Variants in SIAH3 observed in about 807,000 individuals in gnomAD.
SIAH3 encodes the protein siah E3 ubiquitin protein ligase family member 3.
Under a neutral mutation model 12.6 loss-of-function variants are expected in SIAH3, and 9 were observed. The ratio of observed to expected loss-of-function variants is 0.72; its 90% CI spans 0.43 to 1.25. The LOEUF (loss-of-function observed/expected upper bound fraction) is 1.25. Among genes scored for constraint, SIAH3 ranks in the 50% most tolerant of loss-of-function variants. The pLI is 0.00. For missense variants in SIAH3, 390 were observed against 365.4 expected (o/e 1.07, Z -0.55); for synonymous variants, 154 against 151.1 (o/e 1.02, Z -0.14).
chr13:45,799,133 G>A (rs1321048451), intron 1 of SIAH3, among the ~76,000 whole-genome samples: 1 of 152,220 alleles, frequency 6.6e-6, no homozygotes, highest in East Asian at 1.9e-4. Context: ...CAGGCCTACA[G>A]GATGAAACTT....
At chr13:45,796,197 C>G (rs1950561977) in intron 1 of SIAH3, among the ~76,000 whole-genome samples, 1 of 151,888 alleles carries the variant, frequency 6.6e-6, no homozygotes, top group East Asian at 1.9e-4. Flanking sequence ...TCATTGAGGA[C>G]TAGACTTGAG....
intron 1 of SIAH3, among the ~76,000 whole-genome samples, chr13:45,785,558 C>G (rs563293057): frequency 1.3e-5 from 2 of 152,342 alleles, no homozygotes; most frequent in South Asian, 4.1e-4. Flanking sequence ...CAGTCATGCA[C>G]GCAATACACA....
intron 1 of SIAH3, among the ~76,000 whole-genome samples, chr13:45,792,905 G>A (rs1262955196): frequency 2.0e-5 from 3 of 152,164 alleles, no homozygotes; most frequent in Admixed American, 1.3e-4. Flanking sequence ...AATCAATCTT[G>A]TAGATGAAAG....
chr13:45,784,398 GTTTT>G (rs35686357), intron 1 of SIAH3, among the ~76,000 whole-genome samples: 70 of 65,828 alleles, frequency 1.1e-3, no homozygotes, highest in African/African-American at 3.9e-3. Context: ...AAAGACAGCT[GTTTT>G]TTTTTTTTTT....
At chr13:45,820,943 T>C (rs1454559717) in intron 1 of SIAH3, among the ~76,000 whole-genome samples, 1 of 152,192 alleles carries the variant, frequency 6.6e-6, no homozygotes, top group African/African-American at 2.4e-5. Context: ...CCAGACTGTC[T>C]CCTACCAAGG....
At chr13:45,784,398 G>GT (rs35686357) in intron 1 of SIAH3, among the ~76,000 whole-genome samples, 11,992 of 65,016 alleles carry the variant, frequency 0.18, 773 homozygotes, top group African/African-American at 0.23. Flanking sequence ...AAAGACAGCT[G>GT]TTTTTTTTTT....
chr13:45,782,433 G>A lies in SIAH3; in HGVS notation c.*950C>T, dbSNP rs1426267826. The A allele has an allele frequency of 6.6e-6, 1 of 152,118 alleles. No individual in the cohort carries two copies. The highest frequency in any genetic ancestry group is 6.5e-5 in the Admixed American group (1 of 15,284). The allele number at this position is 152,118 out of a possible 1,614,324, so 9.4% of individuals were successfully genotyped here. ...TGAGTCCTGGTTCTGCTTTTTGCAT[G>A]ATATGAAAGAACTGCACCCTAGGGA... On this transcript the variant is annotated 3_prime_UTR_variant, in exon 2 of 2. Transcript: ENST00000400405.
Position 45,783,426 on chromosome 13 carries a change from G to T in SIAH3, c.767C>A (p.Ala256Asp). 1.9e-6 allele frequency: 3 copies of T among 1,613,908 alleles called. No individual in the cohort carries two copies. The highest frequency in any genetic ancestry group is 2.5e-6 in the Non-Finnish European group (3 of 1,179,844). Residue 256 changes from alanine (A) to aspartate (D), a missense_variant, in exon 2 of 2, where the codon GCC (alanine) becomes GAC (aspartate). Transcript: ENST00000400405. Reference protein sequence around the residue: ...SDNGSLAIGIAITATEVLPSE... With the variant: ...SDNGSLAIGIDITATEVLPSE... ...GGGGAGGACCTCTGTCGCGGTGATG[G>T]CAATCCCAATGGCAAGGCTGCCGTT...
At chr13:45,819,549 T>C (rs1950647650) in intron 1 of SIAH3, among the ~76,000 whole-genome samples, 1 of 151,882 alleles carries the variant, frequency 6.6e-6, no homozygotes, top group African/African-American at 2.4e-5. Flanking sequence ...CTTTGGAAAA[T>C]TAGAAAAAGG....
chr13:45,784,408 T>G (rs559645273), intron 1 of SIAH3, among the ~76,000 whole-genome samples: 147 of 150,808 alleles, frequency 9.7e-4, no homozygotes, highest in Non-Finnish European at 1.7e-3. Context: ...GTTTTTTTTT[T>G]TTTTTTTTTT....
In SIAH3 at chr13:45,846,873, C is replaced by T. The variant is rs17067286; in HGVS notation, c.135+4622G>A. Among the ~76,000 whole-genome samples, 1,771 of 152,314 alleles carry T rather than the reference C, an allele frequency of 0.012. 106 individuals carry two copies. The East Asian group carries it at 0.14, about 12-fold the overall frequency. On this transcript the variant is annotated intron_variant, in intron 1 of 1. Coordinates refer to ENST00000400405, the MANE Select transcript of SIAH3 (RefSeq NM_198849.3). ...TACTGCTCCAGGCTCTGGGCCTCCC[C>T]GTTATGTGACTCAGGAGCCTCATTT...
chr13:45,826,127 C>T (rs1211002414), intron 1 of SIAH3, among the ~76,000 whole-genome samples: 1 of 152,206 alleles, frequency 6.6e-6, no homozygotes, highest in Non-Finnish European at 1.5e-5. Flanking sequence ...CTGGATGACT[C>T]AGTCCATAGA....
intron 1 of SIAH3, among the ~76,000 whole-genome samples, chr13:45,801,419 G>A (rs1316264455): frequency 2.0e-5 from 3 of 152,188 alleles, no homozygotes; most frequent in Non-Finnish European, 4.4e-5. Context: ...AAGGAGAAAT[G>A]AGGCTAAGTA....
chr13:45,822,089 A>G (rs11620324), intron 1 of SIAH3, among the ~76,000 whole-genome samples: 35,557 of 151,960 alleles, frequency 0.23, 4,840 homozygotes, highest in East Asian at 0.61. Flanking sequence ...AGAGTGTCTC[A>G]GAGAAATCTG....
At chr13:45,813,985 T>C (rs1950625088) in intron 1 of SIAH3, among the ~76,000 whole-genome samples, 2 of 152,086 alleles carry the variant, frequency 1.3e-5, no homozygotes, top group African/African-American at 2.4e-5. Context: ...ACGCCTGTAA[T>C]CCCAGTACTT....
intron 1 of SIAH3, among the ~76,000 whole-genome samples, chr13:45,804,091 C>T (rs1950591158): frequency 6.6e-6 from 1 of 151,962 alleles, no homozygotes; most frequent in South Asian, 2.1e-4. Flanking sequence ...TATATTTTTT[C>T]TTCCCCAATT....
At chr13:45,824,928 T>C (rs1950668801) in intron 1 of SIAH3, among the ~76,000 whole-genome samples, 1 of 148,824 alleles carries the variant, frequency 6.7e-6, no homozygotes, top group Non-Finnish European at 1.5e-5. Context: ...AAAGAAGCCA[T>C]CCTCTACTCT....
At chr13:45,803,751 G>T (rs1420139841) in intron 1 of SIAH3, among the ~76,000 whole-genome samples, 3 of 152,122 alleles carry the variant, frequency 2.0e-5, no homozygotes, top group Non-Finnish European at 2.9e-5. Flanking sequence ...GCTATACATA[G>T]CATAGAAGAG....
chr13:45,797,457 C>G (rs1486765785), intron 1 of SIAH3, among the ~76,000 whole-genome samples: 1 of 152,206 alleles, frequency 6.6e-6, no homozygotes, highest in South Asian at 2.1e-4. Flanking sequence ...ACATGCACAG[C>G]TTCAACGGAT....
Sources: allele counts gnomAD v4.1 joint callset (sites outside exome capture counted in the v4.1 genomes callset), GRCh38; gene constraint gnomAD v4.1.1; transcripts MANE v1.5; gene names NCBI Gene and HGNC (gene_info 2026-07-23, HGNC 2026-07-21).